Variants in DERA observed in about 807,000 individuals in gnomAD.
DERA encodes 2-deoxy-D-ribose 5-phosphate aldolase.
DERA carries 15 observed loss-of-function variants against 41.1 expected under a neutral mutation model. That is an observed-to-expected ratio of 0.37 (90% confidence interval 0.24 to 0.56). The LOEUF (loss-of-function observed/expected upper bound fraction) is 0.56, where lower values mean the gene tolerates loss of function less well. Among genes scored for constraint, DERA ranks in the 20% least tolerant of loss-of-function variants. DERA has a pLI of 0.81. For synonymous variants in DERA, 139 were observed against 137.4 expected, an observed-to-expected ratio of 1.01 and a Z score of -0.08; for missense variants, 396 against 403.4, an observed-to-expected ratio of 0.98 and a Z score of 0.16.
rs145782606 is a variant in DERA, at chr12:16,017,237, T to C, written c.638-15305T>C. Reference sequence around the variant, plus strand: ...TGGAGATATTTTCCAACCCTAAAATTGTGATTTCTTTCTGACTGCCATTAT... The same window carrying C: ...TGGAGATATTTTCCAACCCTAAAATCGTGATTTCTTTCTGACTGCCATTAT... On this transcript the variant is annotated intron_variant, in intron 6 of 8. Coordinates refer to ENST00000428559, the MANE Select transcript of DERA (RefSeq NM_015954.4). This position sits in a 1 kb window ranked among gnomAD's most constrained non-coding sequence, Gnocchi z 5.5. Among the ~76,000 whole-genome samples, 17 of 152,332 alleles carry C rather than the reference T, an allele frequency of 1.1e-4. No homozygotes were observed. Among genetic ancestry groups the C allele is most frequent in the Non-Finnish European group, 2.4e-4 (16 of 68,034 alleles).
chr12:16,005,831 C>G (rs1948906641), intron 6 of DERA, among the ~76,000 whole-genome samples: 1 of 152,166 alleles, frequency 6.6e-6, no homozygotes, highest in South Asian at 2.1e-4. Context: ...GTCCTGTAGA[C>G]ATAGAAGATT....
rs79432403 is a variant in DERA at position 15,965,605 on chromosome 12, G to A, written c.508+2658G>A. Among the ~76,000 whole-genome samples the A allele has an allele frequency of 6.6e-6, 1 of 151,992 alleles. No homozygotes were observed. The highest frequency in any genetic ancestry group is 2.4e-5 in the African/African-American group (1 of 41,350). On this transcript the variant is annotated intron_variant, in intron 5 of 8. Transcript: ENST00000428559. This position sits in a 1 kb window ranked among gnomAD's most constrained non-coding sequence, Gnocchi z 4.1. ...AGTCCACAGTTTAGGGTATGAATTC[G>A]AGGAGACTGGAGTTTGGGGGTGGGG... is the stretch of plus-strand genomic sequence containing the variant.
At position 16,011,173 on chromosome 12, in the gene DERA, T is replaced by C. The variant is rs1435800592; in HGVS notation, c.638-21369T>C. On this transcript the variant is annotated intron_variant, in intron 6 of 8. Coordinates refer to ENST00000428559, the MANE Select transcript of DERA (RefSeq NM_015954.4). This position sits in a 1 kb window ranked among gnomAD's most constrained non-coding sequence, Gnocchi z 4.7. Reference sequence around the variant, plus strand: ...TATATACTATATATTCCAAACTTGCTAGTGACAGTAGAAAGCACAATCAAA... The same window carrying C: ...TATATACTATATATTCCAAACTTGCCAGTGACAGTAGAAAGCACAATCAAA... Among the ~76,000 whole-genome samples, 1 of 152,218 alleles carries C rather than the reference T, an allele frequency of 6.6e-6. No individual in the cohort carries two copies. Among genetic ancestry groups the C allele is most frequent in the Non-Finnish European group, 1.5e-5 (1 of 68,028 alleles).
At chr12:15,946,888 C>T (rs1239071591) in intron 1 of DERA, among the ~76,000 whole-genome samples, 1 of 152,194 alleles carries the variant, frequency 6.6e-6, no homozygotes, top group Non-Finnish European at 1.5e-5. Flanking sequence ...ACTCTACACA[C>T]TGCTTTAAAT....
chr12:15,963,444 GCT>G (rs1948601684), intron 5 of DERA, among the ~76,000 whole-genome samples: 1 of 152,116 alleles, frequency 6.6e-6, no homozygotes, highest in Admixed American at 6.5e-5. Context: ...CTTAGACACA[GCT>G]CTGATGACTA....
chr12:16,019,981 T>C lies in DERA; in HGVS notation c.638-12561T>C, dbSNP rs914612717. 6.6e-6 allele frequency among the ~76,000 whole-genome samples: 1 copy of C among 152,060 alleles called. No homozygotes were observed. Among genetic ancestry groups the C allele is most frequent in the African/African-American group, 2.4e-5 (1 of 41,410 alleles). ...CTCTGAGCTCACATGAGATCTGGTT[T>C]TTTAAAAGAGCATGGCACCTCCCCG... On this transcript the variant is annotated intron_variant, in intron 6 of 8. Coordinates refer to ENST00000428559, the MANE Select transcript of DERA (RefSeq NM_015954.4). This position sits in a 1 kb window ranked among gnomAD's most constrained non-coding sequence, Gnocchi z 4.4.
intron 4 of DERA, among the ~76,000 whole-genome samples, chr12:15,961,579 C>T (rs897579739): frequency 6.6e-6 from 1 of 152,096 alleles, no homozygotes; most frequent in Non-Finnish European, 1.5e-5. Context: ...TTAAAAGAAA[C>T]ATGGTGCACA....
At chr12:15,927,413 C>T (rs144195449) in intron 1 of DERA, among the ~76,000 whole-genome samples, 2,659 of 152,150 alleles carry the variant, frequency 0.017, 48 homozygotes, top group Middle Eastern at 0.041. Context: ...AGAACAGTAA[C>T]GCTTTTTTGT....
At chr12:16,034,000 A>G (rs971954152) in intron 7 of DERA, among the ~76,000 whole-genome samples, 3 of 152,210 alleles carry the variant, frequency 2.0e-5, no homozygotes, top group African/African-American at 7.2e-5. Flanking sequence ...TGATAAATCT[A>G]TCTTTGGTCC....
intron 6 of DERA, among the ~76,000 whole-genome samples, chr12:16,024,787 A>C (rs571217138): frequency 1.2e-4 from 19 of 152,280 alleles, no homozygotes; most frequent in South Asian, 4.1e-4. Context: ...AAGGAAGCGC[A>C]TTAGAGAAGG....
chr12:15,952,135 G>A (rs991553529), intron 1 of DERA, among the ~76,000 whole-genome samples: 1 of 152,134 alleles, frequency 6.6e-6, no homozygotes, highest in Admixed American at 6.5e-5. Flanking sequence ...TCCTGACCTC[G>A]TGATCCGCCT....
At position 15,943,825 on chromosome 12, in the gene DERA, G is replaced by A. The variant is rs1370593378; in HGVS notation, c.32-13111G>A. ...ACATGTGCCATGTTGGTGTGCTGTA[G>A]CCATTAACTCGTCATTTACATTACG... On this transcript the variant is annotated intron_variant, in intron 1 of 8. Transcript: ENST00000428559. This position sits in a 1 kb window ranked among gnomAD's most constrained non-coding sequence, Gnocchi z 4.5. Among the ~76,000 whole-genome samples, 1 of 150,918 alleles carries A rather than the reference G, an allele frequency of 6.6e-6. No individual in the cohort carries two copies. Among genetic ancestry groups the A allele is most frequent in the Admixed American group, 6.6e-5 (1 of 15,106 alleles).
chr12:15,958,091 T>C (rs1948553815), intron 2 of DERA, 97 bp from the exon 3 acceptor site: 2 of 973,936 alleles, frequency 2.1e-6, no homozygotes, highest in Non-Finnish European at 1.5e-6. Context: ...TTAACACCCA[T>C]ACTTGTCTAA....
At position 16,036,934 on chromosome 12, in the gene DERA, C is replaced by T; in HGVS notation, c.*188C>T. 1.8e-6 allele frequency: 1 copy of T among 552,770 alleles called. No homozygotes were observed. The highest frequency in any genetic ancestry group is 3.2e-6 in the Non-Finnish European group (1 of 314,692). The allele number at this position is 552,770 out of a possible 1,614,324, so 34.2% of individuals were successfully genotyped here. On this transcript the variant is annotated 3_prime_UTR_variant, in exon 9 of 9. Coordinates refer to ENST00000428559, the MANE Select transcript of DERA (RefSeq NM_015954.4). This position sits in a 1 kb window ranked among gnomAD's most constrained non-coding sequence, Gnocchi z 4.9. ...CCACATGTGGTACTCATTTCAGGCA[C>T]ATCTGAAATGATCTTAATTACTAGA... is the stretch of plus-strand genomic sequence containing the variant.
intron 6 of DERA, among the ~76,000 whole-genome samples, chr12:16,018,122 C>T (rs567965392): frequency 3.9e-5 from 6 of 152,082 alleles, no homozygotes; most frequent in East Asian, 1.9e-4. Context: ...TAATCACATC[C>T]GAAGCTTATT....
At chr12:16,031,461 G>T (rs1275120924) in intron 6 of DERA, among the ~76,000 whole-genome samples, 1 of 152,174 alleles carries the variant, frequency 6.6e-6, no homozygotes, top group Non-Finnish European at 1.5e-5. Flanking sequence ...CCATGAATTT[G>T]CACACAAATC....
At chr12:15,969,729 T>A (rs574277359) in intron 5 of DERA, among the ~76,000 whole-genome samples, 1 of 152,352 alleles carries the variant, frequency 6.6e-6, no homozygotes, top group African/African-American at 2.4e-5. Context: ...ATAATCTATT[T>A]TTCTTATTTG....
rs74892913 is a variant in DERA, at chr12:15,983,516, C to T, written c.637+1080C>T. ...GTACCACCTTTTTCAGGAATTATTT[C>T]CCCTGACACTGCTTCTCCCCCTGCT... On this transcript the variant is annotated intron_variant, in intron 6 of 8. Coordinates refer to ENST00000428559, the MANE Select transcript of DERA (RefSeq NM_015954.4). The surrounding 1 kb of genome is among the most constrained non-coding windows in gnomAD (Gnocchi z 6.2). Among the ~76,000 whole-genome samples, 988 of 152,296 alleles carry T rather than the reference C, an allele frequency of 6.5e-3. 11 individuals are homozygous for T. The highest frequency in any genetic ancestry group is 0.022 in the African/African-American group (927 of 41,552).
chr12:16,011,479 T>A lies in DERA; in HGVS notation c.638-21063T>A, dbSNP rs890110889. On this transcript the variant is annotated intron_variant, in intron 6 of 8. Transcript: ENST00000428559. This position sits in a 1 kb window ranked among gnomAD's most constrained non-coding sequence, Gnocchi z 4.7. ...TCTTTTGAGTATTGTATCAACGGAG[T>A]TTCGATTTTGGAGCATTTCAGACGT... Among the ~76,000 whole-genome samples, 10 of 151,950 alleles carry A rather than the reference T, an allele frequency of 6.6e-5. No individual in the cohort carries two copies. The highest frequency in any genetic ancestry group is 4.6e-4 in the Admixed American group (7 of 15,246).
Sources: gnomAD v4.1 joint callset for allele counts (sites outside exome capture counted in the v4.1 genomes callset) on GRCh38, gnomAD v4.1.1 for gene constraint, Gnocchi (gnomAD v3.1) non-coding constraint, MANE v1.5 for transcripts, NCBI Gene and HGNC (gene_info 2026-07-23, HGNC 2026-07-21) for gene names.